Variants in EIF4B observed in about 807,000 individuals in gnomAD.
EIF4B encodes the protein eukaryotic translation initiation factor 4B.
EIF4B carries 8 observed loss-of-function variants against 79.3 expected under a neutral mutation model. That is an observed-to-expected ratio of 0.10 (90% CI 0.06 to 0.18). The LOEUF (loss-of-function observed/expected upper bound fraction) is 0.18. Ranked by LOEUF, EIF4B falls within the 10% of genes least tolerant of loss-of-function variation. The probability of loss-of-function intolerance (pLI) is 1.00; values close to 1 mark genes in which losing one functional copy is unlikely to be tolerated. For synonymous variants in EIF4B, 238 were observed against 274.7 expected, an observed-to-expected ratio of 0.87 and a Z score of 1.32; for missense variants, 515 against 792.4, an observed-to-expected ratio of 0.65 and a Z score of 4.20.
At position 53,019,922 on chromosome 12, in the gene EIF4B, C is replaced by T; in HGVS notation, c.373C>T (p.Arg125Cys). 1 of 1,609,972 alleles carries T rather than the reference C, an allele frequency of 6.2e-7. No homozygotes were observed. The highest frequency in any genetic ancestry group is 8.5e-7 in the Non-Finnish European group (1 of 1,178,698). The change falls in exon 4 of 15, where the codon CGT becomes TGT. Residue 125 changes from arginine to cysteine, a missense_variant. By Grantham distance (180) the Arg-to-Cys change is radical. Coordinates refer to ENST00000262056, the MANE Select transcript of EIF4B (RefSeq NM_001417.7). ...FFRGLNISAV[R>C]LPREPSNPER... ...CTTATTCCTTCAGATCAGTGCAGTG[C>T]GTTTACCACGTGAACCCAGCAATCC...
At chr12:53,008,017 C>G (rs1373834203) in intron 1 of EIF4B, among the ~76,000 whole-genome samples, 1 of 152,074 alleles carries the variant, frequency 6.6e-6, no homozygotes, top group Non-Finnish European at 1.5e-5. Flanking sequence ...GGACGCTGCC[C>G]GAAAGCATCT....
chr12:53,011,294 A>G (rs1943060082), intron 1 of EIF4B, among the ~76,000 whole-genome samples: 1 of 152,156 alleles, frequency 6.6e-6, no homozygotes, highest in Non-Finnish European at 1.5e-5. Context: ...ATATTCAGAG[A>G]TGTTCAACCA....
In EIF4B at chr12:53,020,654, A is replaced by G. The variant is rs192073810; in HGVS notation, c.477+628A>G. 2.1e-3 allele frequency among the ~76,000 whole-genome samples: 320 copies of G among 152,302 alleles called. 2 individuals are homozygous for G. The highest frequency in any genetic ancestry group is 7.3e-3 in the African/African-American group (302 of 41,574). On this transcript the variant is annotated intron_variant, in intron 4 of 14. Coordinates refer to ENST00000262056, the MANE Select transcript of EIF4B (RefSeq NM_001417.7). ...ATTGTTTATTGATAAGGCAATTTCT[A>G]GTGCCATTTGTGCCATATTTCTGTA...
At chr12:53,011,927 C>T (rs1350922506) in intron 1 of EIF4B, among the ~76,000 whole-genome samples, 2 of 152,142 alleles carry the variant, frequency 1.3e-5, no homozygotes, top group African/African-American at 4.8e-5. Context: ...AGAATTGGAC[C>T]AGTTCATTGT....
chr12:53,033,344 T>TC (rs1187189414), intron 8 of EIF4B, among the ~76,000 whole-genome samples: 1 of 140,664 alleles, frequency 7.1e-6, no homozygotes, highest in East Asian at 2.2e-4. Context: ...CTTTTTTTTT[T>TC]TTCTTTTTTT....
chr12:53,021,729 C>A, intron 4 of EIF4B, 77 bp from the exon 5 acceptor site: 2 of 1,536,718 alleles, frequency 1.3e-6, no homozygotes, highest in Non-Finnish European at 1.8e-6. Flanking sequence ...TTCTGCTATG[C>A]CCAGACGTTC....
intron 1 of EIF4B, 45 bp downstream of exon 1, chr12:53,006,541 C>A: frequency 1.2e-6 from 2 of 1,613,082 alleles, no homozygotes; most frequent in Non-Finnish European, 1.7e-6. Context: ...CTCTGAAACC[C>A]CCCTCCGAGC....
Position 53,018,838 on chromosome 12 carries a change from G to T in EIF4B, c.192G>T (p.Arg64Ser), listed in dbSNP as rs1943189873. The change falls in exon 3 of 15, where the codon AGG becomes AGT. Residue 64 changes from arginine to serine, a missense_variant. Physicochemically the swap from Arg to Ser is moderately radical, Grantham distance 110 (BLOSUM62 -1). This residue lies in a region of EIF4B where 105 missense variants were observed against 177.2 expected (regional missense o/e 0.59). Transcript: ENST00000262056. ...TWHSNDDDVY[R>S]APPIDRSILP... The stretch of plus-strand genomic sequence containing the variant: ...ACAGTAACGATGACGATGTGTATAG[G>T]GCGCCTCCAATTGACCGTTCCATCC... 1 of 1,613,124 alleles carries T rather than the reference G, an allele frequency of 6.2e-7. No individual in the cohort carries two copies. Among genetic ancestry groups the T allele is most frequent in the Admixed American group, 1.7e-5 (1 of 59,972 alleles).
At chr12:53,039,505 C>A in intron 13 of EIF4B, 125 bp from the exon 14 acceptor site, 1 of 1,290,190 alleles carries the variant, frequency 7.8e-7, no homozygotes, top group Non-Finnish European at 1.1e-6. Context: ...AGTAATACAT[C>A]ATCCAGACAA....
intron 6 of EIF4B, among the ~76,000 whole-genome samples, chr12:53,027,166 G>A (rs1943351331): frequency 7.5e-5 from 1 of 13,262 alleles, no homozygotes; most frequent in Admixed American, 1.4e-3. Flanking sequence ...TTGAGACATA[G>A]TCTCACTCTC....
Position 53,014,127 on chromosome 12 carries a change from AAAAAAAG to A in EIF4B, c.14-2333_14-2327del, listed in dbSNP as rs1392187956. Among the ~76,000 whole-genome samples the A allele has an allele frequency of 3.2e-4, 49 of 152,092 alleles. No homozygotes were observed. In the South Asian group the frequency reaches 5.6e-3, roughly 17 times the overall value. The stretch of plus-strand genomic sequence containing the variant: ...CAGTGAGCCACGATTGCACCACTGC[AAAAAAAG>A]AAAAAAGAAAAAGCAGGCCGGGCGC... On this transcript the variant is annotated intron_variant, in intron 1 of 14. Coordinates refer to ENST00000262056, the MANE Select transcript of EIF4B (RefSeq NM_001417.7).
chr12:53,028,942 A>T (rs1943386772), intron 8 of EIF4B, among the ~76,000 whole-genome samples: 1 of 152,262 alleles, frequency 6.6e-6, no homozygotes, highest in Non-Finnish European at 1.5e-5. Flanking sequence ...CCTAGCCAAC[A>T]TGGTGAAACC....
chr12:53,039,367 T>C, intron 13 of EIF4B, 24 bp downstream of exon 13: 3 of 1,520,326 alleles, frequency 2.0e-6, no homozygotes, highest in Non-Finnish European at 2.7e-6. Flanking sequence ...CTTTCTCATC[T>C]TTCCTCTGAT....
intron 3 of EIF4B, among the ~76,000 whole-genome samples, chr12:53,019,429 A>ATTTTTTTT (rs1555151897): frequency 2.5e-5 from 1 of 40,316 alleles, no homozygotes; most frequent in Non-Finnish European, 7.4e-5. Flanking sequence ...AAAATTATAT[A>ATTTTTTTT]TATATATATT....
intron 1 of EIF4B, 108 bp downstream of exon 1, chr12:53,006,604 G>C: frequency 1.3e-6 from 2 of 1,586,154 alleles, no homozygotes; most frequent in Non-Finnish European, 1.7e-6. Context: ...GTTCCTTTCT[G>C]AATTGAGGGC....
Position 53,016,527 on chromosome 12 carries a change from A to G in EIF4B, c.68A>G (p.Glu23Gly). 1 of 1,613,476 alleles carries G rather than the reference A, an allele frequency of 6.2e-7. No individual in the cohort carries two copies. The highest frequency in any genetic ancestry group is 8.5e-7 in the Non-Finnish European group (1 of 1,179,886). ...KTISLTDFLA[E>G]DGGTGGGSTY... ...ATCTCCCTAACAGACTTTCTGGCTGAGGATGGGGGTACTGGTGGAGGAAGC... is the reference window on the plus strand; with the variant it reads ...ATCTCCCTAACAGACTTTCTGGCTGGGGATGGGGGTACTGGTGGAGGAAGC... Residue 23 changes from glutamate (E) to glycine (G), a missense_variant, in exon 2 of 15, where the codon GAG (glutamate) becomes GGG (glycine). Coordinates refer to ENST00000262056, the MANE Select transcript of EIF4B (RefSeq NM_001417.7).
intron 6 of EIF4B, among the ~76,000 whole-genome samples, chr12:53,027,015 T>C (rs934142176): frequency 2.6e-5 from 4 of 151,452 alleles, no homozygotes; most frequent in African/African-American, 9.7e-5. Context: ...TGAGGCTGGG[T>C]GTTACGGCTC....
In EIF4B at chr12:53,020,095, G is replaced by A. The variant is rs1165613680; in HGVS notation, c.477+69G>A. 3.0e-6 allele frequency: 4 copies of A among 1,326,614 alleles called. No individual in the cohort carries two copies. The African/African-American group carries it at 4.5e-5, about 15-fold the overall frequency. The allele number at this position is 1,326,614 out of a possible 1,614,324, so 82.2% of individuals were successfully genotyped here. On this transcript the variant is annotated intron_variant, in intron 4 of 14. Coordinates refer to ENST00000262056, the MANE Select transcript of EIF4B (RefSeq NM_001417.7). Reference sequence around the variant, plus strand: ...AATCTCATGTTTATTGATCAAACTGGTATTTTTTAGGTTGAGAGGCTCACT... The same window carrying A: ...AATCTCATGTTTATTGATCAAACTGATATTTTTTAGGTTGAGAGGCTCACT...
At chr12:53,019,577 G>C (rs546092448) in intron 3 of EIF4B, among the ~76,000 whole-genome samples, 1 of 147,582 alleles carries the variant, frequency 6.8e-6, no homozygotes. Context: ...TGTTGGTCAG[G>C]CTGGTCTTGA....
Sources: allele counts gnomAD v4.1 joint callset (sites outside exome capture counted in the v4.1 genomes callset), GRCh38; gene constraint gnomAD v4.1.1; regional missense constraint gnomAD v4.1.1; transcripts MANE v1.5; gene names NCBI Gene and HGNC (gene_info 2026-07-23, HGNC 2026-07-21).